SCTR: variants seen among roughly 807,000 people sequenced by gnomAD.
SCTR encodes the protein secretin receptor.
A neutral mutation model predicts 60.8 loss-of-function variants in SCTR; 56 were observed. The observed-to-expected ratio is 0.92, with a 90% CI of 0.74 to 1.15. The LOEUF is 1.15. SCTR is among the 50% of genes most tolerant of loss of function. The pLI, the probability that SCTR is intolerant of heterozygous loss-of-function variation, is 0.00. For missense variants in SCTR, 562 were observed against 550.4 expected, an observed-to-expected ratio of 1.02 and a Z score of -0.21; for synonymous variants, 202 against 217.0, an observed-to-expected ratio of 0.93 and a Z score of 0.61.
At chr2:119,499,897 G>A (rs1348445918) in intron 1 of SCTR, among the ~76,000 whole-genome samples, 2 of 151,956 alleles carry the variant, frequency 1.3e-5, no homozygotes, top group Non-Finnish European at 2.9e-5. Context: ...ACACAATATT[G>A]GAAGTCTTAG....
Position 119,441,564 on chromosome 2 carries a change from A to G in SCTR, c.1176T>C (p.Asn392=), listed in dbSNP as rs1126839. The G allele has an allele frequency of 0.87, 1,395,864 of 1,611,790 alleles. 604,944 individuals carry two copies. The highest frequency in any genetic ancestry group is 0.92 in the East Asian group (41,296 of 44,844). The change falls in exon 12 of 13, where the codon AAT becomes AAC. Residue 392 remains asparagine (N), a synonymous_variant. Coordinates refer to ENST00000019103, the MANE Select transcript of SCTR (RefSeq NM_002980.3). Reference sequence around the variant, plus strand: ...GTGACCCAAGACTACTCACCTCCCCATTGAGGAAGCAGTAGAGGACGGCCA... The same window carrying G: ...GTGACCCAAGACTACTCACCTCCCCGTTGAGGAAGCAGTAGAGGACGGCCA... The part of the protein sequence containing the change: ...LVVAVLYCFL[N]GEVQLEVQKK...
rs554737165 is a variant in SCTR at position 119,504,547 on chromosome 2, C to A, written c.73-9999G>T. 1.2e-4 allele frequency among the ~76,000 whole-genome samples: 18 copies of A among 151,972 alleles called. 1 individual carries two copies. The highest frequency in any genetic ancestry group is 4.3e-4 in the African/African-American group (18 of 41,446). ...TGGAGGTTGCAGTGAGCTAAGATTGCGCCACAACACTCCAGCCTGGGTGAC... is the reference window on the plus strand; with the variant it reads ...TGGAGGTTGCAGTGAGCTAAGATTGAGCCACAACACTCCAGCCTGGGTGAC... On this transcript the variant is annotated intron_variant, in intron 1 of 12. Transcript: ENST00000019103.
At chr2:119,454,185 G>A (rs1683283452) in intron 7 of SCTR, among the ~76,000 whole-genome samples, 1 of 152,162 alleles carries the variant, frequency 6.6e-6, no homozygotes, top group South Asian at 2.1e-4. Context: ...TGCCGCTGGG[G>A]AAGTGCCCAA....
chr2:119,453,149 A>C, intron 8 of SCTR, 138 bp downstream of exon 8: 1 of 677,516 alleles, frequency 1.5e-6, no homozygotes, highest in East Asian at 2.7e-5. Context: ...AGCAGTGAGC[A>C]TCAGTCCAGG....
chr2:119,449,805 C>G (rs943132220), intron 9 of SCTR, among the ~76,000 whole-genome samples: 23 of 152,072 alleles, frequency 1.5e-4, no homozygotes, highest in African/African-American at 3.4e-4. Context: ...TTCGGGGAAC[C>G]CTGCTTCTCT....
rs948731796 is a variant in SCTR at position 119,499,052 on chromosome 2, T to A, written c.73-4504A>T. 2.6e-5 allele frequency among the ~76,000 whole-genome samples: 4 copies of A among 151,966 alleles called. No individual in the cohort carries two copies. The East Asian group carries it at 7.7e-4, about 29-fold the overall frequency. On this transcript the variant is annotated intron_variant, in intron 1 of 12. Coordinates refer to ENST00000019103, the MANE Select transcript of SCTR (RefSeq NM_002980.3). ...AAAATATATATTATGTAAACATTAA[T>A]CAAAGAAATCAGGAGTGACTATATT...
chr2:119,488,776 A>G (rs193193823), intron 2 of SCTR, among the ~76,000 whole-genome samples: 1 of 152,326 alleles, frequency 6.6e-6, no homozygotes, highest in Admixed American at 6.5e-5. Context: ...TTCTTCAGGT[A>G]GTCATTCACT....
At chr2:119,519,272 G>A (rs574576204) in intron 1 of SCTR, among the ~76,000 whole-genome samples, 10 of 151,846 alleles carry the variant, frequency 6.6e-5, no homozygotes, top group South Asian at 6.3e-4. Flanking sequence ...ACCGCGCTCC[G>A]CCTAAGTGGA....
Position 119,462,010 on chromosome 2 carries a change from G to A in SCTR, c.637-10C>T. 4.4e-6 allele frequency: 7 copies of A among 1,592,146 alleles called. No individual in the cohort carries two copies. Among genetic ancestry groups the A allele is most frequent in the Non-Finnish European group, 5.1e-6 (6 of 1,167,872 alleles). ...CCAGCTTGCAGCCCGCCTGGAGAGA[G>A]AGAGGCAGCTGAACCCAGGCCGGGT... On this transcript the variant is annotated splice_polypyrimidine_tract_variant and intron_variant, in intron 6 of 12. Coordinates refer to ENST00000019103, the MANE Select transcript of SCTR (RefSeq NM_002980.3).
At chr2:119,472,920 C>G (rs1222761405) in intron 4 of SCTR, among the ~76,000 whole-genome samples, 1 of 152,192 alleles carries the variant, frequency 6.6e-6, no homozygotes, top group African/African-American at 2.4e-5. Context: ...GCCGCCACAC[C>G]CGGCCAAAAG....
chr2:119,509,055 T>C (rs1207066828), intron 1 of SCTR, among the ~76,000 whole-genome samples: 1 of 152,248 alleles, frequency 6.6e-6, no homozygotes, highest in Admixed American at 6.5e-5. Context: ...CCTATCATGG[T>C]GGGCGAGGTG....
intron 11 of SCTR, among the ~76,000 whole-genome samples, chr2:119,444,254 CATAT>C (rs768379593): frequency 0.031 from 3,134 of 101,420 alleles, 91 homozygotes; most frequent in Non-Finnish European, 0.048. Context: ...TACACATATA[CATAT>C]GAATATATAC....
chr2:119,489,136 A>G (rs1487932988), intron 2 of SCTR, among the ~76,000 whole-genome samples: 3 of 152,128 alleles, frequency 2.0e-5, no homozygotes, highest in Admixed American at 2.0e-4. Flanking sequence ...TCACCACTCC[A>G]TAGGGGAAGG....
chr2:119,469,627 C>T (rs978501821), intron 4 of SCTR, among the ~76,000 whole-genome samples: 2 of 152,112 alleles, frequency 1.3e-5, no homozygotes, highest in African/African-American at 4.8e-5. Context: ...GTAGCTAAGA[C>T]TACAGGCAAG....
intron 1 of SCTR, among the ~76,000 whole-genome samples, chr2:119,516,886 T>C (rs752235016): frequency 6.6e-6 from 1 of 152,112 alleles, no homozygotes; most frequent in Non-Finnish European, 1.5e-5. Flanking sequence ...TTGAACCTCT[T>C]GAACCCGGGA....
rs1049844940 is a variant in SCTR, at chr2:119,474,647, G to A, written c.302-1091C>T. Among the ~76,000 whole-genome samples, 94 of 152,200 alleles carry A rather than the reference G, an allele frequency of 6.2e-4. 3 individuals are homozygous for A. The highest frequency in any genetic ancestry group is 4.1e-4 in the South Asian group (2 of 4,836). Reference sequence around the variant, plus strand: ...GGCATGCTTCTTTACACAGTCTCCAGGGGCTGGGCCCCTGGCTAACAGGGT... The same window carrying A: ...GGCATGCTTCTTTACACAGTCTCCAAGGGCTGGGCCCCTGGCTAACAGGGT... On this transcript the variant is annotated intron_variant, in intron 3 of 12. Coordinates refer to ENST00000019103, the MANE Select transcript of SCTR (RefSeq NM_002980.3).
chr2:119,448,271 G>C (rs553650971), intron 10 of SCTR, among the ~76,000 whole-genome samples: 1 of 152,164 alleles, frequency 6.6e-6, no homozygotes, highest in Non-Finnish European at 1.5e-5. Context: ...GAAAACGAAC[G>C]TATTTCTCTT....
chr2:119,506,859 G>C (rs1045469086), intron 1 of SCTR, among the ~76,000 whole-genome samples: 1 of 152,168 alleles, frequency 6.6e-6, no homozygotes, highest in Non-Finnish European at 1.5e-5. Flanking sequence ...GTGAGAATGG[G>C]AGAAAAGTGG....
At chr2:119,455,587 G>T (rs775858436) in intron 7 of SCTR, among the ~76,000 whole-genome samples, 5 of 152,216 alleles carry the variant, frequency 3.3e-5, no homozygotes, top group African/African-American at 1.2e-4. Context: ...GAACAAGAAA[G>T]GGGGCTTAGG....
Sources: allele counts gnomAD v4.1 joint callset (sites outside exome capture counted in the v4.1 genomes callset), GRCh38; gene constraint gnomAD v4.1.1; transcripts MANE v1.5; gene names NCBI Gene and HGNC (gene_info 2026-07-23, HGNC 2026-07-21).